LHPP: variants seen among roughly 807,000 people sequenced by gnomAD.
The protein encoded by LHPP is phospholysine phosphohistidine inorganic pyrophosphate phosphatase, also known as hLHPP.
A neutral mutation model predicts 30.3 loss-of-function variants in LHPP; 24 were observed. The ratio of observed to expected loss-of-function variants is 0.79; its 90% CI spans 0.57 to 1.11. The LOEUF (loss-of-function observed/expected upper bound fraction) is 1.11. Ranked by LOEUF, LHPP falls within the 50% of genes most tolerant of loss-of-function variation. The pLI is 0.00. For synonymous variants in LHPP, 150 were observed against 157.1 expected (o/e 0.95, Z 0.34); for missense variants, 356 against 367.2 (o/e 0.97, Z 0.25).
At chr10:124,533,365 G>A (rs573038756) in intron 6 of LHPP, among the ~76,000 whole-genome samples, 68 of 152,344 alleles carry the variant, frequency 4.5e-4, no homozygotes, top group African/African-American at 7.2e-4. Context: ...CGGCAGGGGC[G>A]TGGGGGGTTG....
Position 124,596,435 on chromosome 10 carries a change from C to A in LHPP, c.717-16829C>A, listed in dbSNP as rs1369227251. On this transcript the variant is annotated intron_variant, in intron 6 of 6. Transcript: ENST00000368842. This position sits in a 1 kb window ranked among gnomAD's most constrained non-coding sequence, Gnocchi z 4.6. ...CACGATGTGGCCGGACCTCTCCACGCTGGCCATTCAGGTGGACGTGGAGCG... is the reference window on the plus strand; with the variant it reads ...CACGATGTGGCCGGACCTCTCCACGATGGCCATTCAGGTGGACGTGGAGCG... 6.6e-6 allele frequency among the ~76,000 whole-genome samples: 1 copy of A among 152,218 alleles called. No homozygotes were observed. Among genetic ancestry groups the A allele is most frequent in the Non-Finnish European group, 1.5e-5 (1 of 68,040 alleles).
intron 6 of LHPP, among the ~76,000 whole-genome samples, chr10:124,612,565 C>T (rs1408899574): frequency 6.6e-6 from 1 of 152,208 alleles, no homozygotes; most frequent in African/African-American, 2.4e-5. Context: ...CCTGGCAGGG[C>T]CCGGAGGCCT....
At chr10:124,534,591 C>G (rs1954978031) in intron 6 of LHPP, among the ~76,000 whole-genome samples, 1 of 152,262 alleles carries the variant, frequency 6.6e-6, no homozygotes, top group South Asian at 2.1e-4. Context: ...CCTTCCCTGT[C>G]TGTAAAAGCG....
intron 5 of LHPP, among the ~76,000 whole-genome samples, chr10:124,515,076 A>C (rs1954413804): frequency 6.6e-6 from 1 of 152,164 alleles, no homozygotes; most frequent in Non-Finnish European, 1.5e-5. Flanking sequence ...TGCTAGGATG[A>C]TAGGTGTGAG....
At chr10:124,473,227 C>T (rs971822431) in intron 1 of LHPP, among the ~76,000 whole-genome samples, 3 of 152,186 alleles carry the variant, frequency 2.0e-5, no homozygotes, top group Non-Finnish European at 2.9e-5. Flanking sequence ...CCCAGTGCCC[C>T]ACAACGTGCA....
In LHPP at chr10:124,541,259, G is replaced by A. The variant is rs2133944943; in HGVS notation, c.716+23988G>A. ...TTGGGGGACACAGCCGACACGACCA[G>A]CCTGCAGTACCAGGATAGACAATTT... On this transcript the variant is annotated intron_variant, in intron 6 of 6. Transcript: ENST00000368842. The surrounding 1 kb of genome is among the most constrained non-coding windows in gnomAD (Gnocchi z 4.2). Among the ~76,000 whole-genome samples the A allele has an allele frequency of 6.6e-6, 1 of 152,358 alleles. No homozygotes were observed. Among genetic ancestry groups the A allele is most frequent in the African/African-American group, 2.4e-5 (1 of 41,584 alleles).
At chr10:124,599,355 C>T (rs985594944) in intron 6 of LHPP, among the ~76,000 whole-genome samples, 1 of 152,232 alleles carries the variant, frequency 6.6e-6, no homozygotes, top group Non-Finnish European at 1.5e-5. Context: ...GAATCTCCAT[C>T]GTAGCCCCAG....
chr10:124,494,717 G>T (rs1953653312), intron 3 of LHPP, among the ~76,000 whole-genome samples: 1 of 152,108 alleles, frequency 6.6e-6, no homozygotes, highest in South Asian at 2.1e-4. Context: ...AGCTTTCCAT[G>T]CCTCTGCTGC....
At chr10:124,469,652 TTTCA>T (rs1352934687) in intron 1 of LHPP, among the ~76,000 whole-genome samples, 1 of 152,126 alleles carries the variant, frequency 6.6e-6, no homozygotes, top group Non-Finnish European at 1.5e-5. Flanking sequence ...TTTATTTTTT[TTTCA>T]TTCATTCATT....
At chr10:124,540,917 A>G (rs1955168213) in intron 6 of LHPP, among the ~76,000 whole-genome samples, 1 of 152,258 alleles carries the variant, frequency 6.6e-6, no homozygotes, top group Admixed American at 6.5e-5. Flanking sequence ...TAGGGGCTCA[A>G]GAAAATGTTT....
In LHPP at chr10:124,467,489, T is replaced by A. The variant is rs114935859; in HGVS notation, c.125+5502T>A. On this transcript the variant is annotated intron_variant, in intron 1 of 6. Transcript: ENST00000368842. ...GGCACACAGTAGACCCACAACAGTG[T>A]AACATTAAAGACCACTTTCTTTTCT... 7.7e-3 allele frequency among the ~76,000 whole-genome samples: 1,173 copies of A among 151,586 alleles called. 13 individuals carry two copies. The highest frequency in any genetic ancestry group is 0.027 in the African/African-American group (1,111 of 41,204).
chr10:124,608,349 C>CCGCCT (rs1949122467), intron 6 of LHPP, among the ~76,000 whole-genome samples: 1 of 152,172 alleles, frequency 6.6e-6, no homozygotes, highest in Non-Finnish European at 1.5e-5. Context: ...CAGCCCAGCC[C>CCGCCT]CAGCCCACGG....
chr10:124,575,763 G>A lies in LHPP; in HGVS notation c.717-37501G>A, dbSNP rs1948649983. On this transcript the variant is annotated intron_variant, in intron 6 of 6. Coordinates refer to ENST00000368842, the MANE Select transcript of LHPP (RefSeq NM_022126.4). Reference sequence around the variant, plus strand: ...TCACGTGGTCGGATCTGTGTCCCCTGCACTCTCACCACCTCCAACTTGCAT... The same window carrying A: ...TCACGTGGTCGGATCTGTGTCCCCTACACTCTCACCACCTCCAACTTGCAT... 2.0e-5 allele frequency among the ~76,000 whole-genome samples: 3 copies of A among 152,240 alleles called. No individual in the cohort carries two copies. In the South Asian group the frequency reaches 6.2e-4, roughly 32 times the overall value.
chr10:124,551,705 G>A (rs1948170762), intron 6 of LHPP, among the ~76,000 whole-genome samples: 1 of 152,124 alleles, frequency 6.6e-6, no homozygotes, highest in African/African-American at 2.4e-5. Flanking sequence ...AGACCCGCGG[G>A]CTTGGCCGGC....
intron 1 of LHPP, among the ~76,000 whole-genome samples, chr10:124,472,050 G>A (rs920716351): frequency 6.6e-6 from 1 of 152,038 alleles, no homozygotes. Context: ...AGTGGCTCAC[G>A]CCTGTAATCC....
intron 2 of LHPP, among the ~76,000 whole-genome samples, chr10:124,486,231 C>G (rs868457667): frequency 6.6e-6 from 1 of 152,208 alleles, no homozygotes; most frequent in African/African-American, 2.4e-5. Flanking sequence ...TCACTGACAG[C>G]TCTGACAGCT....
At position 124,501,339 on chromosome 10, in the gene LHPP, C is replaced by T. The variant is rs906252204; in HGVS notation, c.624+3211C>T. Among the ~76,000 whole-genome samples the T allele has an allele frequency of 1.4e-4, 21 of 151,870 alleles. No individual in the cohort carries two copies. The East Asian group carries it at 4.1e-3, about 29-fold the overall frequency. On this transcript the variant is annotated intron_variant, in intron 5 of 6. Coordinates refer to ENST00000368842, the MANE Select transcript of LHPP (RefSeq NM_022126.4). ...GAACTGGGCCGGGCACAGCAGCTCA[C>T]ACCTGTAACCACAGCACTTTGGGAG...
intron 6 of LHPP, among the ~76,000 whole-genome samples, chr10:124,558,149 G>A (rs1177934949): frequency 6.6e-6 from 1 of 152,082 alleles, no homozygotes; most frequent in Non-Finnish European, 1.5e-5. Flanking sequence ...TAGGGGAAAG[G>A]CCACTTCCTA....
At chr10:124,558,274 G>A (rs1564830060) in intron 6 of LHPP, among the ~76,000 whole-genome samples, 1 of 152,178 alleles carries the variant, frequency 6.6e-6, no homozygotes, top group Non-Finnish European at 1.5e-5. Flanking sequence ...TCTAGCAGTT[G>A]TTCAGCCTCC....
Sources: allele counts gnomAD v4.1 joint callset (sites outside exome capture counted in the v4.1 genomes callset), GRCh38; gene constraint gnomAD v4.1.1; non-coding constraint Gnocchi (gnomAD v3.1); transcripts MANE v1.5; gene names NCBI Gene and HGNC (gene_info 2026-07-23, HGNC 2026-07-21).